SOX5: variants seen among roughly 807,000 people sequenced by gnomAD.
SOX5 encodes SRY-box transcription factor 5, also known as transcription factor SOX-5.
A neutral mutation model predicts 92.0 loss-of-function variants in SOX5; 9 were observed. The ratio of observed to expected loss-of-function variants is 0.10; its 90% confidence interval spans 0.06 to 0.17. The LOEUF is 0.17. SOX5 is among the 10% of genes least tolerant of loss of function. The pLI, the probability that SOX5 is intolerant of heterozygous loss-of-function variation, is 1.00. For synonymous variants in SOX5, 344 were observed against 336.3 expected (o/e 1.02, Z -0.25); for missense variants, 642 against 944.5 (o/e 0.68, Z 4.20).
At chr12:23,762,488 A>G in intron 3 of SOX5, 1 of 430,518 alleles carries the variant, frequency 2.3e-6, no homozygotes, top group Non-Finnish European at 4.1e-6. Flanking sequence ...AGATTTAGAT[A>G]AGCTTTATTT....
intron 3 of SOX5, among the ~76,000 whole-genome samples, chr12:23,815,396 A>G (rs2095969396): frequency 1.3e-5 from 2 of 152,180 alleles, no homozygotes; most frequent in African/African-American, 4.8e-5. Context: ...ATGTACCAAC[A>G]ACAACCTTTT....
intron 4 of SOX5, among the ~76,000 whole-genome samples, chr12:24,091,709 A>G (rs1220102565): frequency 6.6e-6 from 1 of 152,210 alleles, no homozygotes; most frequent in Non-Finnish European, 1.5e-5. Flanking sequence ...AATTCATGCT[A>G]GGATTGAAAA....
At chr12:24,297,868 G>A (rs183813796) in intron 2 of SOX5, among the ~76,000 whole-genome samples, 25 of 152,142 alleles carry the variant, frequency 1.6e-4, no homozygotes, top group Admixed American at 9.8e-4. Context: ...ACATCAATGC[G>A]CTCACCCTTT....
intron 10 of SOX5, among the ~76,000 whole-genome samples, chr12:23,574,286 T>G (rs1948796069): frequency 6.6e-6 from 1 of 152,130 alleles, no homozygotes; most frequent in Non-Finnish European, 1.5e-5. Context: ...TAGCACATCT[T>G]TTACCGATGA....
chr12:24,441,852 T>C (rs551564820), intron 1 of SOX5, among the ~76,000 whole-genome samples: 43 of 152,202 alleles, frequency 2.8e-4, no homozygotes, highest in African/African-American at 9.7e-4. Context: ...GCATGTATAA[T>C]GATTATAAAA....
At chr12:23,857,690 A>C (rs545642502) in intron 2 of SOX5, among the ~76,000 whole-genome samples, 16 of 152,142 alleles carry the variant, frequency 1.1e-4, no homozygotes, top group African/African-American at 3.9e-4. Context: ...CTCTATACAC[A>C]ATGTGTGATA....
intron 1 of SOX5, among the ~76,000 whole-genome samples, chr12:24,408,051 G>A (rs1275423981): frequency 6.6e-6 from 1 of 152,170 alleles, no homozygotes; most frequent in Non-Finnish European, 1.5e-5. Flanking sequence ...TGAAGTGAAT[G>A]AGCAGGCCAG....
chr12:24,432,738 G>C (rs1938601496), intron 1 of SOX5, among the ~76,000 whole-genome samples: 2 of 152,104 alleles, frequency 1.3e-5, no homozygotes, highest in Non-Finnish European at 1.5e-5. Context: ...TTTGAACCCA[G>C]GAGGCGGAGA....
intron 4 of SOX5, among the ~76,000 whole-genome samples, chr12:24,189,487 T>TA (rs1956319287): frequency 6.6e-6 from 1 of 152,162 alleles, no homozygotes; most frequent in African/African-American, 2.4e-5. Context: ...AATGAGTAGA[T>TA]AGTTTCCAAG....
chr12:23,866,457 G>A (rs1034934192), intron 2 of SOX5, among the ~76,000 whole-genome samples: 3 of 152,200 alleles, frequency 2.0e-5, no homozygotes, highest in Admixed American at 6.5e-5. Flanking sequence ...GTAAGCCTCT[G>A]TCACTAGGAG....
chr12:24,123,138 G>C (rs1948789654), intron 4 of SOX5, among the ~76,000 whole-genome samples: 1 of 152,232 alleles, frequency 6.6e-6, no homozygotes, highest in African/African-American at 2.4e-5. Context: ...ATACATGCAT[G>C]ATCTTCAGAG....
intron 4 of SOX5, among the ~76,000 whole-genome samples, chr12:23,746,654 C>T (rs148645068): frequency 1.1e-4 from 16 of 152,214 alleles, no homozygotes; most frequent in Admixed American, 3.3e-4. Flanking sequence ...CTTCTGTATT[C>T]CATAAAAGCA....
At chr12:24,519,446 T>C (rs996806092) in intron 1 of SOX5, among the ~76,000 whole-genome samples, 10 of 151,734 alleles carry the variant, frequency 6.6e-5, no homozygotes, top group African/African-American at 1.9e-4. Flanking sequence ...AAATTTTAGA[T>C]AGAGTGACCA....
rs571727256 is a variant in SOX5 at position 24,375,189 on chromosome 12, G to C, written c.-250-6550C>G. 9.2e-5 allele frequency among the ~76,000 whole-genome samples: 14 copies of C among 151,584 alleles called. 1 individual carries two copies. In the South Asian group the frequency reaches 2.9e-3, roughly 32 times the overall value. On this transcript the variant is annotated intron_variant, in intron 1 of 4. Transcript: ENST00000446891. Reference sequence around the variant, plus strand: ...GGGGTTTCACCGTGTTAGCCAGGATGGTCTCGATCACCTGACCTCGTGATC... The same window carrying C: ...GGGGTTTCACCGTGTTAGCCAGGATCGTCTCGATCACCTGACCTCGTGATC...
chr12:23,841,447 A>G (rs2096514199), intron 3 of SOX5, among the ~76,000 whole-genome samples: 1 of 152,092 alleles, frequency 6.6e-6, no homozygotes, highest in African/African-American at 2.4e-5. Flanking sequence ...CAGCATTCAC[A>G]TTCCCCAATT....
chr12:24,346,164 C>G (rs185996361), intron 2 of SOX5, among the ~76,000 whole-genome samples: 1 of 152,142 alleles, frequency 6.6e-6, no homozygotes, highest in Admixed American at 6.5e-5. Flanking sequence ...GGAAAACGAA[C>G]GTCATCCATG....
chr12:23,806,898 T>C (rs2095788998), intron 3 of SOX5, among the ~76,000 whole-genome samples: 1 of 152,192 alleles, frequency 6.6e-6, no homozygotes, highest in Non-Finnish European at 1.5e-5. Context: ...GGTGAGCATT[T>C]TCTGCTACAA....
chr12:23,818,236 C>T (rs1044598970), intron 3 of SOX5, among the ~76,000 whole-genome samples: 2 of 152,180 alleles, frequency 1.3e-5, no homozygotes, highest in African/African-American at 4.8e-5. Flanking sequence ...ACAGACCCAG[C>T]TGGTATGTAG....
At chr12:23,895,707 ATAAAGCAAAG>A (rs1223761777) in intron 2 of SOX5, 76 bp downstream of exon 2, 2 of 856,664 alleles carry the variant, frequency 2.3e-6, no homozygotes, top group Non-Finnish European at 3.9e-6. Flanking sequence ...GATGTTAATT[ATAAAGCAAAG>A]GACTGAGGCC....
Sources: gnomAD v4.1 joint callset for allele counts (sites outside exome capture counted in the v4.1 genomes callset) on GRCh38, gnomAD v4.1.1 for gene constraint, MANE v1.5 for transcripts, NCBI Gene and HGNC (gene_info 2026-07-23, HGNC 2026-07-21) for gene names.